Variants in ADGRL3 observed in about 807,000 individuals in gnomAD.
ADGRL3 encodes adhesion G protein-coupled receptor L3, also known as calcium-independent alpha-latrotoxin receptor 3.
ADGRL3 carries 62 observed loss-of-function variants against 153.5 expected under a neutral mutation model. The ratio of observed to expected loss-of-function variants is 0.40; its 90% CI spans 0.33 to 0.50. The LOEUF (loss-of-function observed/expected upper bound fraction) is 0.50. Among genes scored for constraint, ADGRL3 ranks in the 20% least tolerant of loss-of-function variants. The probability of loss-of-function intolerance (pLI) is 0.47; values close to 1 mark genes in which losing one functional copy is unlikely to be tolerated. For synonymous variants in ADGRL3, 710 were observed against 672.5 expected (o/e 1.06, Z -0.86); for missense variants, 1,641 against 1,859.4 (o/e 0.88, Z 2.16).
At chr4:61,402,527 T>A (rs1179975657) in intron 2 of ADGRL3, among the ~76,000 whole-genome samples, 1 of 152,112 alleles carries the variant, frequency 6.6e-6, no homozygotes, top group African/African-American at 2.4e-5. Context: ...ATAAAGTGGT[T>A]GGAGCATACA....
At chr4:61,357,253 T>C (rs2096192357) in intron 1 of ADGRL3, among the ~76,000 whole-genome samples, 1 of 152,144 alleles carries the variant, frequency 6.6e-6, no homozygotes, top group Admixed American at 6.5e-5. Context: ...ACATATGATG[T>C]TAATTAAAAT....
chr4:62,037,579 T>C (rs777471291), intron 23 of ADGRL3, among the ~76,000 whole-genome samples, 152 bp from the exon 24 acceptor site: 5 of 152,148 alleles, frequency 3.3e-5, no homozygotes, highest in Admixed American at 6.6e-5. Flanking sequence ...AATTATGTTG[T>C]ATTGTAAAAT....
chr4:61,441,076 C>T (rs2097523692), intron 2 of ADGRL3, among the ~76,000 whole-genome samples: 1 of 152,144 alleles, frequency 6.6e-6, no homozygotes, highest in South Asian at 2.1e-4. Flanking sequence ...GTCAAACTGA[C>T]CCATTCTCAT....
intron 8 of ADGRL3, among the ~76,000 whole-genome samples, chr4:61,765,632 A>G (rs2152254108): frequency 6.6e-6 from 1 of 152,228 alleles, no homozygotes; most frequent in African/African-American, 2.4e-5. Context: ...CTGAGGAATT[A>G]TGTCTGACAG....
chr4:61,212,539 G>A (rs1388602497), intron 1 of ADGRL3, among the ~76,000 whole-genome samples: 1 of 152,070 alleles, frequency 6.6e-6, no homozygotes, highest in East Asian at 1.9e-4. Context: ...CAAAACCAGA[G>A]ACTGAATATT....
intron 1 of ADGRL3, among the ~76,000 whole-genome samples, chr4:61,229,721 C>G (rs1560370679): frequency 6.6e-6 from 1 of 151,968 alleles, no homozygotes; most frequent in Non-Finnish European, 1.5e-5. Context: ...CTGGGCAACA[C>G]AGCAAGATCC....
At chr4:61,287,958 G>C (rs2094007183) in intron 1 of ADGRL3, among the ~76,000 whole-genome samples, 1 of 151,822 alleles carries the variant, frequency 6.6e-6, no homozygotes, top group Non-Finnish European at 1.5e-5. Flanking sequence ...TTATGCTTTT[G>C]AACATTAACA....
At chr4:61,460,477 A>G (rs1219992777) in intron 2 of ADGRL3, among the ~76,000 whole-genome samples, 3 of 151,538 alleles carry the variant, frequency 2.0e-5, no homozygotes, top group Non-Finnish European at 2.9e-5. Context: ...TTTCACTGAC[A>G]TGTGGAAAGG....
intron 1 of ADGRL3, among the ~76,000 whole-genome samples, chr4:61,362,345 T>TAC (rs773503277): frequency 0.023 from 3,504 of 149,890 alleles, 122 homozygotes; most frequent in African/African-American, 0.079. Flanking sequence ...TATATATATA[T>TAC]ACACACACAC....
chr4:61,624,519 C>T (rs2092717487), intron 5 of ADGRL3, among the ~76,000 whole-genome samples: 1 of 152,006 alleles, frequency 6.6e-6, no homozygotes, highest in Admixed American at 6.6e-5. Context: ...CAAGCCCTTC[C>T]CAACCAGGGT....
intron 8 of ADGRL3, among the ~76,000 whole-genome samples, chr4:61,789,367 G>C (rs1208149612): frequency 1.3e-5 from 2 of 151,950 alleles, no homozygotes; most frequent in Non-Finnish European, 2.9e-5. Context: ...TGTTCTGAGG[G>C]CTTTACTATA....
At chr4:61,906,437 G>T (rs1422497482) in intron 11 of ADGRL3, 1 of 152,042 alleles carries the variant, frequency 6.6e-6, no homozygotes, top group Non-Finnish European at 1.5e-5. Context: ...AAAAATTCCA[G>T]GGTATGAATC....
intron 1 of ADGRL3, among the ~76,000 whole-genome samples, chr4:61,205,734 G>A (rs10018005): frequency 0.28 from 42,886 of 151,962 alleles, 6,278 homozygotes; most frequent in South Asian, 0.38. Context: ...GTGTTTTGTC[G>A]GGTAGGGTAG....
intron 1 of ADGRL3, among the ~76,000 whole-genome samples, chr4:61,271,202 T>C (rs1194119692): frequency 2.0e-5 from 3 of 151,906 alleles, no homozygotes; most frequent in Non-Finnish European, 2.9e-5. Context: ...TTTATATGTC[T>C]TGTAAATCTT....
At chr4:61,392,094 T>G (rs113022588) in intron 2 of ADGRL3, among the ~76,000 whole-genome samples, 2 of 150,830 alleles carry the variant, frequency 1.3e-5, no homozygotes, top group East Asian at 4.0e-4. Context: ...TGGTCTCGGT[T>G]TCCTGACCTC....
chr4:61,678,481 T>TCCTCTGC (rs2095260985), intron 6 of ADGRL3, among the ~76,000 whole-genome samples: 1 of 152,010 alleles, frequency 6.6e-6, no homozygotes, highest in Non-Finnish European at 1.5e-5. Context: ...CACTTCAAAA[T>TCCTCTGC]CCTCTGCCAA....
chr4:61,389,068 T>G (rs893415179), intron 2 of ADGRL3, among the ~76,000 whole-genome samples: 18 of 152,196 alleles, frequency 1.2e-4, no homozygotes, highest in Admixed American at 3.9e-4. Context: ...TCTTTTATAT[T>G]GCACCATTGG....
chr4:62,002,608 G>A (rs1391305526), intron 21 of ADGRL3, among the ~76,000 whole-genome samples: 1 of 151,668 alleles, frequency 6.6e-6, no homozygotes, highest in African/African-American at 2.4e-5. Context: ...GATTACAGGG[G>A]AAATGAGGTA....
intron 4 of ADGRL3, among the ~76,000 whole-genome samples, chr4:61,527,401 C>T (rs532532592): frequency 3.8e-4 from 58 of 152,204 alleles, no homozygotes; most frequent in Non-Finnish European, 2.9e-5. Flanking sequence ...CTTAAAGAAA[C>T]AGCTATAGCA....
Sources: allele counts gnomAD v4.1 joint callset (sites outside exome capture counted in the v4.1 genomes callset), GRCh38; gene constraint gnomAD v4.1.1; transcripts MANE v1.5; gene names NCBI Gene and HGNC (gene_info 2026-07-23, HGNC 2026-07-21).